The following MBD6 variants were observed in gnomAD, a reference collection of about 807,000 sequenced individuals.
MBD6 encodes methyl-CpG binding domain protein 6.
MBD6 carries 22 observed loss-of-function variants against 66.8 expected under a neutral mutation model. The observed-to-expected ratio is 0.33, with a 90% CI of 0.24 to 0.47. The LOEUF is 0.47. Ranked by LOEUF, MBD6 falls within the 20% of genes least tolerant of loss-of-function variation. The pLI is 1.00. For synonymous variants in MBD6, 540 were observed against 534.6 expected (o/e 1.01, Z -0.14); for missense variants, 1,322 against 1,286.9 (o/e 1.03, Z -0.42).
intron 7 of MBD6, 121 bp from the exon 8 acceptor site, chr12:57,527,386 C>T (rs756976864): frequency 1.1e-5 from 14 of 1,303,416 alleles, no homozygotes; most frequent in Non-Finnish European, 1.5e-5. Flanking sequence ...AGAATTGGGT[C>T]TGTATTTAAT....
At position 57,524,733 on chromosome 12, in the gene MBD6, G is replaced by C. The variant is rs1401045697; in HGVS notation, c.127G>C (p.Glu43Gln). The C allele has an allele frequency of 6.2e-7, 1 of 1,614,228 alleles. No individual in the cohort carries two copies. The highest frequency in any genetic ancestry group is 1.1e-5 in the South Asian group (1 of 91,092). Residue 43 changes from glutamate (E) to glutamine (Q), a missense_variant, in exon 4 of 13, where the codon GAG becomes CAG. Transcript: ENST00000355673. ...GTCCTCTCGCAGTCCAAGTGGCACA[G>C]AGCTGTCTTCCTTGGAGCAAACCCG... ...AVLYISPSGT[E>Q]LSSLEQTRSY... is the part of the protein sequence containing the mutation.
rs763389389 is a variant in MBD6, at chr12:57,528,567, G to A, written c.2820+7G>A. 2 of 1,611,020 alleles carry A rather than the reference G, an allele frequency of 1.2e-6. No individual in the cohort carries two copies. Among genetic ancestry groups the A allele is most frequent in the Non-Finnish European group, 1.7e-6 (2 of 1,178,208 alleles). On this transcript the variant is annotated splice_region_variant and intron_variant, in intron 10 of 12. Transcript: ENST00000355673. ...CCATTCTGAGGACCTTAAGGTGAGT[G>A]CAGAGTGCTGGTAGTCTGGGCTCAG...
chr12:57,524,645 A>G, intron 3 of MBD6, 75 bp from the exon 4 acceptor site: 2 of 1,351,320 alleles, frequency 1.5e-6, no homozygotes, highest in Non-Finnish European at 2.1e-6. Context: ...TCTGTAACTT[A>G]AGCACTGTGC....
chr12:57,527,716 C>T, intron 8 of MBD6, 56 bp downstream of exon 8: 1 of 1,557,030 alleles, frequency 6.4e-7, no homozygotes, highest in Non-Finnish European at 8.7e-7. Context: ...AGGAGTAAAA[C>T]TTGGGAGTAG....
Position 57,526,874 on chromosome 12 carries a change from C to T in MBD6, c.1729C>T (p.Leu577=), listed in dbSNP as rs1352609526. Reference sequence around the variant, plus strand: ...AGGACAACCTCCCCCTGAGCCCCTGCTACCCCCACCAGGAGGACCTGGTCC... The same window carrying T: ...AGGACAACCTCCCCCTGAGCCCCTGTTACCCCCACCAGGAGGACCTGGTCC... ...GGGQPPPEPL[L]PPPGGPGPPL... Residue 577 remains leucine, a synonymous_variant, in exon 7 of 13, where the codon CTA becomes TTA. Coordinates refer to ENST00000355673, the MANE Select transcript of MBD6 (RefSeq NM_052897.4). The T allele has an allele frequency of 1.2e-6, 2 of 1,613,370 alleles. No homozygotes were observed. Among genetic ancestry groups the T allele is most frequent in the Non-Finnish European group, 1.7e-6 (2 of 1,179,824 alleles).
In MBD6 at chr12:57,526,835, C is replaced by G. The variant is rs749390445; in HGVS notation, c.1690C>G (p.Leu564Val). ...PLLNHSLFGV[L>V]TGGGGQPPPE... ...GCTCAACCACAGTTTATTTGGTGTG[C>G]TGACTGGGGGAGGAGGACAACCTCC... is the stretch of plus-strand genomic sequence containing the variant. Residue 564 changes from leucine (L) to valine (V), a missense_variant, in exon 7 of 13, where the codon CTG becomes GTG. By Grantham distance (32) the Leu-to-Val change is conservative (BLOSUM62 1). Coordinates refer to ENST00000355673, the MANE Select transcript of MBD6 (RefSeq NM_052897.4). 6.2e-7 allele frequency: 1 copy of G among 1,613,440 alleles called. No individual in the cohort carries two copies. The highest frequency in any genetic ancestry group is 1.3e-5 in the African/African-American group (1 of 75,044).
chr12:57,527,997 T>C lies in MBD6; in HGVS notation c.2386T>C (p.Cys796Arg), dbSNP rs747511695. The C allele has an allele frequency of 5.8e-6, 9 of 1,546,770 alleles. No individual in the cohort carries two copies. In the South Asian group the frequency reaches 1.1e-4, roughly 19 times the overall value. The change falls in exon 9 of 13, where the codon TGC becomes CGC. Residue 796 changes from cysteine to arginine, a missense_variant. By Grantham distance (180) the Cys-to-Arg change is radical (BLOSUM62 -3). Coordinates refer to ENST00000355673, the MANE Select transcript of MBD6 (RefSeq NM_052897.4). ...CTCAGAGGCTTCTAGTCCCCTAGCC[T>C]GCCTGCTACAGAGTCTCCAGGTGAG... ...PLSEASSPLA[C>R]LLQSLQIPPE...
Position 57,525,812 on chromosome 12 carries a change from C to A in MBD6, c.844C>A (p.Pro282Thr), listed in dbSNP as rs775674134. 6.2e-7 allele frequency: 1 copy of A among 1,613,552 alleles called. No homozygotes were observed. The highest frequency in any genetic ancestry group is 8.5e-7 in the Non-Finnish European group (1 of 1,179,770). The change falls in exon 6 of 13, where the codon CCT (proline) becomes ACT (threonine). Residue 282 changes from proline to threonine, a missense_variant. Physicochemically the swap from Pro to Thr is conservative, Grantham distance 38 (BLOSUM62 -1). Transcript: ENST00000355673. The stretch of plus-strand genomic sequence containing the variant: ...CCCGAGCAATAATCTCCCCGCCCAC[C>A]CTGGTCCTGCCTCTCAGCCACCAGT... Reference protein sequence around the residue: ...LPPSNNLPAHPGPASQPPVSS... With the variant: ...LPPSNNLPAHTGPASQPPVSS...
In MBD6 at chr12:57,525,461, C is replaced by T; in HGVS notation, c.493C>T (p.Pro165Ser). ...ACTTAATGGGGGTCCTGGCTCCCTT[C>T]CCCCAGAACCACCCTCAGTTTCCCA... is the stretch of plus-strand genomic sequence containing the variant. ...TPLNGGPGSLPPEPPSVSQAF... is the reference protein window; with the variant it reads ...TPLNGGPGSLSPEPPSVSQAF... Residue 165 changes from proline to serine, a missense_variant, in exon 6 of 13, where the codon CCC becomes TCC. By Grantham distance (74) the Pro-to-Ser change is moderately conservative. Coordinates refer to ENST00000355673, the MANE Select transcript of MBD6 (RefSeq NM_052897.4). 3 of 1,535,626 alleles carry T rather than the reference C, an allele frequency of 2.0e-6. No individual in the cohort carries two copies. The highest frequency in any genetic ancestry group is 2.6e-5 in the South Asian group (2 of 77,176).
rs560702391 is a variant in MBD6, at chr12:57,528,024, G to T, written c.2406+7G>T. 16 of 1,534,430 alleles carry T rather than the reference G, an allele frequency of 1.0e-5. No homozygotes were observed. In the East Asian group the frequency reaches 3.2e-4, roughly 30 times the overall value. On this transcript the variant is annotated splice_region_variant and intron_variant, in intron 9 of 12. Transcript: ENST00000355673. ...CCTGCTACAGAGTCTCCAGGTGAGG[G>T]TGTGGGCATATATTTGTCAGGGAGA...
intron 7 of MBD6, 108 bp downstream of exon 7, chr12:57,527,335 T>TG: frequency 9.1e-7 from 1 of 1,099,046 alleles, no homozygotes; most frequent in Non-Finnish European, 1.3e-6. Context: ...TTGGGGCCTT[T>TG]GGGGAGGCCT....
At chr12:57,530,844 A>T (rs897367774), downstream of MBD6, 26 of 1,311,192 alleles carry the variant, frequency 2.0e-5, no homozygotes, top group Admixed American at 4.6e-4. Flanking sequence ...GACCTGAAGG[A>T]ATTCTCTGAG....
chr12:57,527,343 C>T (rs1408744526), intron 7 of MBD6, 116 bp downstream of exon 7: 2 of 1,120,104 alleles, frequency 1.8e-6, no homozygotes, highest in Middle Eastern at 2.2e-4. Context: ...TTTGGGGAGG[C>T]CTTAGTTCTT....
chr12:57,529,418 ACCCCCCCCCACCACCC>A lies in MBD6; in HGVS notation c.*189_*204del. On this transcript the variant is annotated 3_prime_UTR_variant, in exon 13 of 13. Transcript: ENST00000355673. ...GCCATTGCAGGGGGCAGGGAAGTTC[ACCCCCCCCCACCACCC>A]CCCCGCCCCCCCGAAGCCATGTCAC... 2 of 350,138 alleles carry A rather than the reference ACCCCCCCCCACCACCC, an allele frequency of 5.7e-6. No homozygotes were observed. Among genetic ancestry groups the A allele is most frequent in the East Asian group, 4.5e-5 (1 of 22,306 alleles). 21.7% of individuals were successfully genotyped at this position (350,138 alleles called of 1,614,324 possible).
chr12:57,525,483 C>T lies in MBD6; in HGVS notation c.515C>T (p.Ser172Phe), dbSNP rs373733340. 1.7e-5 allele frequency: 27 copies of T among 1,543,144 alleles called. No individual in the cohort carries two copies. In the Middle Eastern group the frequency reaches 5.2e-4, roughly 30 times the overall value. The change falls in exon 6 of 13, where the codon TCC becomes TTC. Residue 172 changes from serine to phenylalanine, a missense_variant. Transcript: ENST00000355673. Reference sequence around the variant, plus strand: ...CTTCCCCCAGAACCACCCTCAGTTTCCCAGGCCTTTCCCACTCTAGCAGGC... The same window carrying T: ...CTTCCCCCAGAACCACCCTCAGTTTTCCAGGCCTTTCCCACTCTAGCAGGC... ...GSLPPEPPSV[S>F]QAFPTLAGPG...
Position 57,529,179 on chromosome 12 carries a change from C to T in MBD6, c.2957C>T (p.Pro986Leu), listed in dbSNP as rs200717548. 3.7e-5 allele frequency: 60 copies of T among 1,614,060 alleles called. No homozygotes were observed. The African/African-American group carries it at 7.5e-4, about 20-fold the overall frequency. Reference sequence around the variant, plus strand: ...TATTAGGCAGCTGTCCCTCTGCCTCCCCGGGCCCGCCCTGGCCGTCCTGCC... The same window carrying T: ...TATTAGGCAGCTGTCCCTCTGCCTCTCCGGGCCCGCCCTGGCCGTCCTGCC... ...PTARAAVPLP[P>L]RARPGRPAKN... Residue 986 changes from proline to leucine, a missense_variant, in exon 13 of 13, where the codon CCC becomes CTC. Coordinates refer to ENST00000355673, the MANE Select transcript of MBD6 (RefSeq NM_052897.4).
At chr12:57,531,229 T>C (rs532638446), downstream of MBD6, among the ~76,000 whole-genome samples, 5 of 152,250 alleles carry the variant, frequency 3.3e-5, no homozygotes, top group East Asian at 7.7e-4. Context: ...CCAACAGAAA[T>C]TGGGACTTGC....
At chr12:57,526,528 G>C (rs1878972160) in intron 6 of MBD6, 38 bp from the exon 7 acceptor site, 2 of 1,513,312 alleles carry the variant, frequency 1.3e-6, no homozygotes, top group African/African-American at 2.8e-5. Flanking sequence ...ATGGGAGAAA[G>C]GGCCTCCCTT....
chr12:57,525,456 C>T lies in MBD6; in HGVS notation c.488C>T (p.Ser163Phe). The change falls in exon 6 of 13, where the codon TCC (serine) becomes TTC (phenylalanine). Residue 163 changes from serine (S) to phenylalanine (F), a missense_variant. Physicochemically the swap from Ser to Phe is radical, Grantham distance 155 (BLOSUM62 -2). Transcript: ENST00000355673. Reference sequence around the variant, plus strand: ...ACTCCACTTAATGGGGGTCCTGGCTCCCTTCCCCCAGAACCACCCTCAGTT... The same window carrying T: ...ACTCCACTTAATGGGGGTCCTGGCTTCCTTCCCCCAGAACCACCCTCAGTT... Reference protein sequence around the residue: ...PTTPLNGGPGSLPPEPPSVSQ... With the variant: ...PTTPLNGGPGFLPPEPPSVSQ... 6.5e-7 allele frequency: 1 copy of T among 1,537,440 alleles called. No homozygotes were observed. The highest frequency in any genetic ancestry group is 2.3e-5 in the East Asian group (1 of 44,304).
Sources: gnomAD v4.1 joint callset for allele counts (sites outside exome capture counted in the v4.1 genomes callset) on GRCh38, gnomAD v4.1.1 for gene constraint, MANE v1.5 for transcripts, NCBI Gene and HGNC (gene_info 2026-07-23, HGNC 2026-07-21) for gene names.